TMEM232: variants seen among roughly 807,000 people sequenced by gnomAD.
The protein encoded by TMEM232 is transmembrane protein 232.
In TMEM232, 80 loss-of-function variants were observed where a neutral mutation model predicts 78.8. The ratio of observed to expected loss-of-function variants is 1.01; its 90% CI spans 0.85 to 1.22. The LOEUF (loss-of-function observed/expected upper bound fraction) is 1.22, where lower values mean the gene tolerates loss of function less well. Ranked by LOEUF, TMEM232 falls within the 50% of genes most tolerant of loss-of-function variation. The pLI is 0.00. For missense variants in TMEM232, 881 were observed against 742.2 expected, an observed-to-expected ratio of 1.19 and a Z score of -2.17; for synonymous variants, 297 against 254.3, an observed-to-expected ratio of 1.17 and a Z score of -1.60.
At chr5:110,414,125 C>CA (rs373136600) in intron 2 of TMEM232, among the ~76,000 whole-genome samples, 4 of 152,336 alleles carry the variant, frequency 2.6e-5, no homozygotes, top group Admixed American at 6.5e-5. Context: ...TCAGATGACT[C>CA]ACTCTTTCGC....
chr5:110,536,119 T>G (rs1309743621), intron 11 of TMEM232, among the ~76,000 whole-genome samples: 1 of 152,122 alleles, frequency 6.6e-6, no homozygotes, highest in African/African-American at 2.4e-5. Context: ...TTCTCTCTTT[T>G]TCTGTCTTTT....
At chr5:110,494,244 T>C (rs926820555) in intron 12 of TMEM232, among the ~76,000 whole-genome samples, 2 of 151,934 alleles carry the variant, frequency 1.3e-5, no homozygotes, top group Non-Finnish European at 2.9e-5. Context: ...TAAAACAGCA[T>C]AACAAATATA....
At chr5:110,676,501 G>T (rs1001902139) in intron 1 of TMEM232, among the ~76,000 whole-genome samples, 3 of 151,624 alleles carry the variant, frequency 2.0e-5, no homozygotes, top group Non-Finnish European at 2.9e-5. Flanking sequence ...CGCCTCCTGG[G>T]CTTAAGCGAT....
chr5:110,728,108 T>C (rs1344570832), upstream of TMEM232, among the ~76,000 whole-genome samples: 1 of 152,156 alleles, frequency 6.6e-6, no homozygotes, highest in Non-Finnish European at 1.5e-5. Flanking sequence ...TTCTTCTCCA[T>C]AATATAAGAA....
At chr5:110,418,410 A>G (rs1561466813), downstream of TMEM232, among the ~76,000 whole-genome samples, 1 of 152,192 alleles carries the variant, frequency 6.6e-6, no homozygotes, top group East Asian at 1.9e-4. Flanking sequence ...CTTTGCTAAT[A>G]TTGCAAAAAG....
At chr5:110,647,033 T>C (rs1341755697) in intron 2 of TMEM232, among the ~76,000 whole-genome samples, 1 of 151,826 alleles carries the variant, frequency 6.6e-6, no homozygotes, top group Non-Finnish European at 1.5e-5. Flanking sequence ...GTATAAGTTG[T>C]ATAGAGACTT....
rs957478882 is a variant in TMEM232, at chr5:110,589,951, T to C, written c.1276+15158A>G. 6.6e-5 allele frequency among the ~76,000 whole-genome samples: 10 copies of C among 152,118 alleles called. No individual in the cohort carries two copies. The East Asian group carries it at 1.9e-3, about 29-fold the overall frequency. ...TTCTTTGAGACTATGCTGAAAAAAT[T>C]TGTATTTCAAATAAGGGCTTATTTA... On this transcript the variant is annotated intron_variant, in intron 10 of 13. Coordinates refer to ENST00000455884, the MANE Select transcript of TMEM232 (RefSeq NM_001039763.4).
At chr5:110,496,857 A>C (rs1174495629) in intron 12 of TMEM232, among the ~76,000 whole-genome samples, 1 of 152,058 alleles carries the variant, frequency 6.6e-6, no homozygotes, top group African/African-American at 2.4e-5. Context: ...ACTCAGCTAC[A>C]CTAAGAAGAG....
At position 110,605,309 on chromosome 5, in the gene TMEM232, T is replaced by C; in HGVS notation, c.1076A>G (p.Tyr359Cys). Residue 359 changes from tyrosine to cysteine, a missense_variant, in exon 10 of 14, where the codon TAC becomes TGC. By Grantham distance (194) the Tyr-to-Cys change is radical. Coordinates refer to ENST00000455884, the MANE Select transcript of TMEM232 (RefSeq NM_001039763.4). Reference protein sequence around the residue: ...DDFSWAWNVVYIYTVILAEIC... With the variant: ...DDFSWAWNVVCIYTVILAEIC... Reference sequence around the variant, plus strand: ...TTCTGCAAGAATTACTGTATATATGTAGACTACATTCCAGGCCCAGGAAAA... The same window carrying C: ...TTCTGCAAGAATTACTGTATATATGCAGACTACATTCCAGGCCCAGGAAAA... 5 of 1,550,658 alleles carry C rather than the reference T, an allele frequency of 3.2e-6. No homozygotes were observed. The highest frequency in any genetic ancestry group is 4.4e-6 in the Non-Finnish European group (5 of 1,146,458).
At chr5:110,478,405 T>C (rs1763488095) in intron 12 of TMEM232, among the ~76,000 whole-genome samples, 1 of 151,938 alleles carries the variant, frequency 6.6e-6, no homozygotes, top group Non-Finnish European at 1.5e-5. Context: ...GATTTGCCTA[T>C]GCATGTAAAA....
chr5:110,494,915 C>A (rs972358617), intron 12 of TMEM232, among the ~76,000 whole-genome samples: 2 of 151,580 alleles, frequency 1.3e-5, no homozygotes, highest in African/African-American at 4.8e-5. Flanking sequence ...ATAAGCTACT[C>A]ATGGAAACAT....
chr5:110,406,765 T>A (rs35598921), intron 2 of TMEM232, among the ~76,000 whole-genome samples: 42,972 of 151,976 alleles, frequency 0.28, 10,922 homozygotes, highest in African/African-American at 0.68. Flanking sequence ...ATATTAAAAA[T>A]ATCATAGTTA....
intron 5 of TMEM232, among the ~76,000 whole-genome samples, chr5:110,632,778 C>T (rs968445816): frequency 6.6e-6 from 1 of 152,026 alleles, no homozygotes; most frequent in Non-Finnish European, 1.5e-5. Flanking sequence ...TGACCAAATA[C>T]ATGAATTATT....
chr5:110,552,971 T>A (rs1774646270), intron 11 of TMEM232, among the ~76,000 whole-genome samples: 1 of 152,128 alleles, frequency 6.6e-6, no homozygotes, highest in Non-Finnish European at 1.5e-5. Context: ...TAGCCAGTGA[T>A]CCCAGCACCA....
intron 2 of TMEM232, among the ~76,000 whole-genome samples, chr5:110,411,377 G>T (rs1267411674): frequency 6.6e-6 from 1 of 152,024 alleles, no homozygotes; most frequent in Non-Finnish European, 1.5e-5. Flanking sequence ...CATCAATAAG[G>T]ATTATTTCCT....
At chr5:110,570,004 G>T (rs1245625984) in intron 10 of TMEM232, among the ~76,000 whole-genome samples, 3 of 151,824 alleles carry the variant, frequency 2.0e-5, no homozygotes, top group African/African-American at 7.2e-5. Context: ...AGGAAAGAAA[G>T]ATTTTGAAAG....
chr5:110,716,069 TTTGA>T (rs1328089053), intron 1 of TMEM232, among the ~76,000 whole-genome samples: 1 of 152,116 alleles, frequency 6.6e-6, no homozygotes, highest in Non-Finnish European at 1.5e-5. Flanking sequence ...CTTAATTGTA[TTTGA>T]TTGGTGCCTC....
chr5:110,445,248 A>T (rs1250345029), intron 12 of TMEM232, among the ~76,000 whole-genome samples: 1 of 151,774 alleles, frequency 6.6e-6, no homozygotes, highest in African/African-American at 2.4e-5. Context: ...GATGAGTCTT[A>T]TCTCTCTATT....
Position 110,513,018 on chromosome 5 carries a change from G to C in TMEM232, c.1703+15570C>G, listed in dbSNP as rs527485948. Among the ~76,000 whole-genome samples the C allele has an allele frequency of 1.9e-3, 284 of 152,302 alleles. 1 individual carries two copies. The highest frequency in any genetic ancestry group is 4.4e-3 in the Admixed American group (68 of 15,300). On this transcript the variant is annotated intron_variant, in intron 12 of 13. Transcript: ENST00000455884. Reference sequence around the variant, plus strand: ...CATATAAGCATAAAGCTATGGCAGTGAAAGTGGAAGCTAAAGCTATTGCCC... The same window carrying C: ...CATATAAGCATAAAGCTATGGCAGTCAAAGTGGAAGCTAAAGCTATTGCCC...
Sources: allele counts gnomAD v4.1 joint callset (sites outside exome capture counted in the v4.1 genomes callset), GRCh38; gene constraint gnomAD v4.1.1; transcripts MANE v1.5; gene names NCBI Gene and HGNC (gene_info 2026-07-23, HGNC 2026-07-21).